The following KLF13 variants were observed in gnomAD, a reference collection of about 807,000 sequenced individuals.
KLF13 encodes KLF transcription factor 13.
A neutral mutation model predicts 16.7 loss-of-function variants in KLF13; 8 were observed. That is an observed-to-expected ratio of 0.48 (90% CI 0.28 to 0.87). The LOEUF (loss-of-function observed/expected upper bound fraction) is 0.87. Ranked by LOEUF, KLF13 falls within the 40% of genes least tolerant of loss-of-function variation. The pLI, the probability that KLF13 is intolerant of heterozygous loss-of-function variation, is 0.10. For synonymous variants in KLF13, 245 were observed against 208.4 expected (o/e 1.18, Z -1.51); for missense variants, 447 against 452.2 (o/e 0.99, Z 0.10).
intron 1 of KLF13, among the ~76,000 whole-genome samples, chr15:31,327,997 C>T (rs1033013817): frequency 1.3e-4 from 20 of 148,352 alleles, no homozygotes; most frequent in Non-Finnish European, 2.7e-4. Context: ...CCGGCGCCCG[C>T]CAGGCGACCG....
At chr15:31,396,301 G>A (rs1015336353) in intron 2 of KLF13, among the ~76,000 whole-genome samples, 3 of 152,196 alleles carry the variant, frequency 2.0e-5, no homozygotes, top group Middle Eastern at 3.2e-3. Context: ...GGGATTACAG[G>A]CATGAGCCAC....
intron 1 of KLF13, among the ~76,000 whole-genome samples, chr15:31,351,021 C>T (rs991128546): frequency 1.3e-5 from 2 of 152,220 alleles, no homozygotes; most frequent in Non-Finnish European, 2.9e-5. Flanking sequence ...CCAGGAACCA[C>T]TTGCTTTGTA....
At chr15:31,390,229 C>G (rs749789078), upstream of KLF13, among the ~76,000 whole-genome samples, 1 of 152,192 alleles carries the variant, frequency 6.6e-6, no homozygotes, top group African/African-American at 2.4e-5. Context: ...TTACCACCCT[C>G]TGGTGGATCA....
intron 1 of KLF13, among the ~76,000 whole-genome samples, chr15:31,335,920 G>A (rs2038922897): frequency 6.6e-6 from 1 of 152,252 alleles, no homozygotes; most frequent in South Asian, 2.1e-4. Flanking sequence ...GCTTACCAAA[G>A]AGCATGTGGC....
At chr15:31,362,402 C>T (rs1049214275) in intron 1 of KLF13, among the ~76,000 whole-genome samples, 12 of 152,178 alleles carry the variant, frequency 7.9e-5, no homozygotes, top group Non-Finnish European at 1.5e-4. Context: ...AGTTTCTCAT[C>T]CTGGAAGCCA....
intron 1 of KLF13, chr15:31,420,336 C>T (rs1329541008): frequency 8.6e-6 from 9 of 1,044,670 alleles, no homozygotes; most frequent in Non-Finnish European, 8.8e-6. Context: ...CATGGAGCAG[C>T]TGGCACAGTG....
intron 1 of KLF13, among the ~76,000 whole-genome samples, chr15:31,357,685 C>T (rs12437749): frequency 0.06 from 9,122 of 152,124 alleles, 347 homozygotes; most frequent in East Asian, 0.13. Context: ...TGTGTAGACC[C>T]TCCCAGAAAG....
chr15:31,423,101 G>GTATA (rs1188647731), intron 1 of KLF13, among the ~76,000 whole-genome samples: 1,742 of 77,008 alleles, frequency 0.023, 305 homozygotes, highest in East Asian at 0.044. Context: ...GTATATATAC[G>GTATA]TATACGTATA....
chr15:31,352,662 T>C (rs1391685459), intron 1 of KLF13, among the ~76,000 whole-genome samples: 3 of 152,240 alleles, frequency 2.0e-5, no homozygotes. Context: ...ACCCGGTCTG[T>C]GCATTTCCAG....
downstream of KLF13, among the ~76,000 whole-genome samples, chr15:31,381,382 G>A (rs1047799807): frequency 2.6e-5 from 4 of 152,242 alleles, no homozygotes; most frequent in African/African-American, 9.6e-5. Context: ...GGCCACCTAC[G>A]TTCCTTGGCT....
intron 1 of KLF13, among the ~76,000 whole-genome samples, chr15:31,359,424 G>A (rs2039348561): frequency 6.6e-6 from 1 of 152,220 alleles, no homozygotes; most frequent in South Asian, 2.1e-4. Flanking sequence ...ACTGGTTCAT[G>A]CAAACTAGTG....
chr15:31,419,890 G>A (rs1282628573), intron 1 of KLF13, among the ~76,000 whole-genome samples: 1 of 152,118 alleles, frequency 6.6e-6, no homozygotes, highest in East Asian at 1.9e-4. Flanking sequence ...ATCAAGGACA[G>A]TTTGATGTAT....
intron 1 of KLF13, among the ~76,000 whole-genome samples, chr15:31,352,148 G>A (rs1187297953): frequency 2.0e-5 from 3 of 152,154 alleles, no homozygotes; most frequent in Admixed American, 6.5e-5. Flanking sequence ...CAGAGGGGTC[G>A]CCACGCTGCC....
intron 1 of KLF13, among the ~76,000 whole-genome samples, chr15:31,356,457 C>T (rs2039301642): frequency 6.6e-6 from 1 of 152,210 alleles, no homozygotes; most frequent in Non-Finnish European, 1.5e-5. Context: ...GAGACTGAGG[C>T]AGGAGACTCG....
At chr15:31,371,674 G>T (rs1430065627) in intron 1 of KLF13, among the ~76,000 whole-genome samples, 1 of 152,260 alleles carries the variant, frequency 6.6e-6, no homozygotes, top group East Asian at 1.9e-4. Context: ...CCCGGCATGG[G>T]TGTGTAGTGC....
intron 1 of KLF13, among the ~76,000 whole-genome samples, chr15:31,416,655 A>G (rs1350576649): frequency 6.6e-6 from 1 of 152,196 alleles, no homozygotes; most frequent in Non-Finnish European, 1.5e-5. Flanking sequence ...CATTTATAAA[A>G]CACCCATATC....
chr15:31,345,804 A>G (rs1566809176), intron 1 of KLF13, among the ~76,000 whole-genome samples: 2 of 152,162 alleles, frequency 1.3e-5, no homozygotes, highest in Non-Finnish European at 2.9e-5. Flanking sequence ...TAAAGTCGTC[A>G]GATGCTGTGG....
In KLF13 at chr15:31,372,746, C is replaced by T. The variant is rs78247944; in HGVS notation, c.*447C>T. The T allele has an allele frequency of 3.8e-5, 6 of 158,808 alleles. No individual in the cohort carries two copies. In the East Asian group the frequency reaches 9.3e-4, roughly 25 times the overall value. The allele number at this position is 158,808 out of a possible 1,614,324, so 9.8% of individuals were successfully genotyped here. On this transcript the variant is annotated 3_prime_UTR_variant, in exon 2 of 2. Transcript: ENST00000307145. ...TGTTGGGAGCAGATGTGCTCACTGA[C>T]GTTTGTGCCTCCAGGGCAGATTCCT... is the stretch of plus-strand genomic sequence containing the variant.
At chr15:31,350,600 G>A (rs577728865) in intron 1 of KLF13, among the ~76,000 whole-genome samples, 1 of 152,338 alleles carries the variant, frequency 6.6e-6, no homozygotes, top group South Asian at 2.1e-4. Flanking sequence ...CATCCACTGG[G>A]TATTTAGAGA....
Sources: allele counts gnomAD v4.1 joint callset (sites outside exome capture counted in the v4.1 genomes callset), GRCh38; gene constraint gnomAD v4.1.1; transcripts MANE v1.5; gene names NCBI Gene and HGNC (gene_info 2026-07-23, HGNC 2026-07-21).